The following SHISA9 variants were observed in gnomAD, a reference collection of about 807,000 sequenced individuals.
The protein encoded by SHISA9 is shisa family member 9.
Under a neutral mutation model 38.0 loss-of-function variants are expected in SHISA9, and 13 were observed. That is an observed-to-expected ratio of 0.34 (90% confidence interval 0.22 to 0.54). The LOEUF is 0.54. SHISA9 is among the 20% of genes least tolerant of loss of function. SHISA9 has a pLI of 0.91. For missense variants in SHISA9, 538 were observed against 575.8 expected (o/e 0.93, Z 0.67); for synonymous variants, 275 against 242.0 (o/e 1.14, Z -1.27).
intron 2 of SHISA9, among the ~76,000 whole-genome samples, chr16:13,128,788 C>G (rs1005148295): frequency 1.3e-5 from 2 of 152,128 alleles, no homozygotes; most frequent in African/African-American, 4.8e-5. Flanking sequence ...TTTTGGTTCT[C>G]CTCATGCTGT....
chr16:13,384,832 T>C, the SHISA9 span, among the ~76,000 whole-genome samples: 1 of 152,286 alleles, frequency 6.6e-6, no homozygotes, highest in South Asian at 2.1e-4. Context: ...GGTAAATCCA[T>C]CCAAATTAAA....
At chr16:12,925,994 G>A (rs950290473) in intron 2 of SHISA9, among the ~76,000 whole-genome samples, 8 of 152,220 alleles carry the variant, frequency 5.3e-5, no homozygotes, top group Admixed American at 5.2e-4. Flanking sequence ...CCAAAGTGCT[G>A]GGATTACAGG....
chr16:12,920,645 A>G (rs1422984440), intron 2 of SHISA9, among the ~76,000 whole-genome samples: 2 of 152,238 alleles, frequency 1.3e-5, no homozygotes, highest in Non-Finnish European at 2.9e-5. Flanking sequence ...ACCAGCAAAC[A>G]TAAAACAACA....
chr16:13,469,030 G>T, the SHISA9 span, among the ~76,000 whole-genome samples: 2 of 151,600 alleles, frequency 1.3e-5, no homozygotes, highest in Non-Finnish European at 2.9e-5. Context: ...ATCATTTGAG[G>T]TCAGGAGTTT....
chr16:12,910,373 C>T (rs2071166136), intron 1 of SHISA9: 2 of 650,898 alleles, frequency 3.1e-6, no homozygotes, highest in Non-Finnish European at 3.8e-6. Context: ...CAACACTGTG[C>T]TGAGAGATAT....
intron 1 of SHISA9, among the ~76,000 whole-genome samples, chr16:12,912,918 C>A (rs2071205259): frequency 6.6e-6 from 1 of 152,112 alleles, no homozygotes; most frequent in Non-Finnish European, 1.5e-5. Context: ...TTTGCACTTG[C>A]TGTTCTTTCA....
the SHISA9 span, among the ~76,000 whole-genome samples, chr16:13,320,024 G>A: frequency 6.6e-6 from 1 of 151,938 alleles, no homozygotes; most frequent in East Asian, 1.9e-4. Context: ...CGGGCACGGT[G>A]GCTCGCACCC....
intron 2 of SHISA9, among the ~76,000 whole-genome samples, chr16:12,919,697 T>C (rs2071303291): frequency 6.6e-6 from 1 of 152,146 alleles, no homozygotes; most frequent in African/African-American, 2.4e-5. Context: ...TCTACATTAA[T>C]TTTCTGGGGT....
intron 4 of SHISA9, among the ~76,000 whole-genome samples, chr16:13,233,775 C>T (rs1250545369): frequency 6.6e-6 from 1 of 152,166 alleles, no homozygotes; most frequent in East Asian, 1.9e-4. Context: ...CTTTGGGAGG[C>T]CAAGGTGGGA....
intron 2 of SHISA9, among the ~76,000 whole-genome samples, chr16:13,191,749 G>A (rs554414722): frequency 1.8e-4 from 28 of 152,284 alleles, no homozygotes; most frequent in South Asian, 4.1e-4. Context: ...CACATCATAG[G>A]GTATAGAAGG....
At chr16:13,067,805 G>A (rs1392451166) in intron 2 of SHISA9, among the ~76,000 whole-genome samples, 1 of 152,184 alleles carries the variant, frequency 6.6e-6, no homozygotes, top group African/African-American at 2.4e-5. Flanking sequence ...TTTGCAGTAG[G>A]CCTTTGCGCC....
At chr16:13,378,001 C>G in the SHISA9 span, among the ~76,000 whole-genome samples, 27 of 152,006 alleles carry the variant, frequency 1.8e-4, no homozygotes, top group African/African-American at 6.3e-4. Flanking sequence ...CCACTGCACT[C>G]CAGCCTGGGC....
intron 2 of SHISA9, among the ~76,000 whole-genome samples, chr16:12,988,857 TA>T (rs1358639384): frequency 6.6e-6 from 1 of 152,112 alleles, no homozygotes; most frequent in Non-Finnish European, 1.5e-5. Flanking sequence ...ATAAAAAATT[TA>T]AAAAAAGGAG....
chr16:13,095,013 T>G (rs2073811499), intron 2 of SHISA9, among the ~76,000 whole-genome samples: 1 of 152,220 alleles, frequency 6.6e-6, no homozygotes, highest in African/African-American at 2.4e-5. Context: ...CTTCCCTCTT[T>G]AGATGTGATC....
the SHISA9 span, among the ~76,000 whole-genome samples, chr16:13,390,351 A>T: frequency 6.6e-6 from 1 of 152,114 alleles, no homozygotes; most frequent in Admixed American, 6.5e-5. Flanking sequence ...GCAATCCAAC[A>T]TGAAGTGTGT....
intron 2 of SHISA9, among the ~76,000 whole-genome samples, chr16:13,170,202 C>CAAAAA (rs71147788): frequency 2.8e-4 from 26 of 91,742 alleles, no homozygotes; most frequent in African/African-American, 7.1e-4. Flanking sequence ...GACTCCATCT[C>CAAAAA]AAAAAAAAAA....
At chr16:13,477,029 C>T in the SHISA9 span, among the ~76,000 whole-genome samples, 1 of 152,146 alleles carries the variant, frequency 6.6e-6, no homozygotes, top group Non-Finnish European at 1.5e-5. Flanking sequence ...CAGGCGTGAG[C>T]CACTGCGCCC....
At chr16:13,069,184 A>ATATG (rs150717701) in intron 2 of SHISA9, among the ~76,000 whole-genome samples, 28,157 of 151,616 alleles carry the variant, frequency 0.19, 4,691 homozygotes, top group African/African-American at 0.44. Context: ...TGCAATGTGT[A>ATATG]TATGTGTATA....
At chr16:13,417,201 G>A in the SHISA9 span, among the ~76,000 whole-genome samples, 14 of 152,248 alleles carry the variant, frequency 9.2e-5, no homozygotes, top group African/African-American at 2.9e-4. Context: ...ACATCAGCAC[G>A]GGATTCATGA....
Sources: allele counts gnomAD v4.1 joint callset (sites outside exome capture counted in the v4.1 genomes callset), GRCh38; gene constraint gnomAD v4.1.1; transcripts MANE v1.5; gene names NCBI Gene and HGNC (gene_info 2026-07-23, HGNC 2026-07-21).